Variants in ATAD2B observed in about 807,000 individuals in gnomAD.
The protein encoded by ATAD2B is ATPase family AAA domain-containing protein 2B.
ATAD2B carries 40 observed loss-of-function variants against 167.6 expected under a neutral mutation model. The ratio of observed to expected loss-of-function variants is 0.24; its 90% confidence interval spans 0.19 to 0.31. The LOEUF (loss-of-function observed/expected upper bound fraction) is 0.31. Ranked by LOEUF, ATAD2B falls within the 10% of genes least tolerant of loss-of-function variation. The pLI is 1.00. For missense variants in ATAD2B, 1,242 were observed against 1,757.2 expected, an observed-to-expected ratio of 0.71 and a Z score of 5.24; for synonymous variants, 579 against 596.5, an observed-to-expected ratio of 0.97 and a Z score of 0.43.
chr2:23,754,368 A>G, intron 26 of ATAD2B, 61 bp from the exon 27 acceptor site: 1 of 1,459,026 alleles, frequency 6.9e-7, no homozygotes, highest in East Asian at 2.5e-5. Flanking sequence ...CTGAAATTGT[A>G]TATTCAAATG....
chr2:23,680,780 C>T, the ATAD2B span, among the ~76,000 whole-genome samples: 35 of 151,756 alleles, frequency 2.3e-4, no homozygotes, highest in Non-Finnish European at 4.7e-4. This position sits in a 1 kb window ranked among gnomAD's most constrained non-coding sequence, Gnocchi z 4.1. Context: ...TCTAGGCCAT[C>T]TTCTCCTGGG....
At chr2:23,894,276 G>A (rs548665090) in intron 2 of ATAD2B, among the ~76,000 whole-genome samples, 1 of 152,078 alleles carries the variant, frequency 6.6e-6, no homozygotes, top group South Asian at 2.1e-4. Context: ...GAGGTCCAGA[G>A]TTCAAGACCA....
At chr2:23,896,288 G>A (rs2150365683) in intron 1 of ATAD2B, among the ~76,000 whole-genome samples, 2 of 151,122 alleles carry the variant, frequency 1.3e-5, no homozygotes, top group East Asian at 3.9e-4. Context: ...TCATGCCAGT[G>A]CACTCCAGCC....
At chr2:23,781,333 A>AAAAT (rs57132440) in intron 22 of ATAD2B, among the ~76,000 whole-genome samples, 35,759 of 144,372 alleles carry the variant, frequency 0.25, 5,186 homozygotes, top group Non-Finnish European at 0.33. Flanking sequence ...TGACCACAAA[A>AAAAT]AAATAAATAA....
At chr2:23,903,943 TG>T (rs1449052229) in intron 1 of ATAD2B, among the ~76,000 whole-genome samples, 3 of 151,376 alleles carry the variant, frequency 2.0e-5, no homozygotes, top group Non-Finnish European at 4.4e-5. Context: ...TTGTTGTTGG[TG>T]GTGGTGGTGG....
Position 23,760,867 on chromosome 2 carries a change from C to G in ATAD2B, c.3394+1342G>C, listed in dbSNP as rs143181364. Among the ~76,000 whole-genome samples the G allele has an allele frequency of 1.0e-3, 152 of 151,966 alleles. 5 individuals carry two copies. In the East Asian group the frequency reaches 0.028, roughly 28 times the overall value. On this transcript the variant is annotated intron_variant, in intron 24 of 27. Transcript: ENST00000238789. ...AGCATCACTGAGTTTGTTTCCAAAA[C>G]TAAGGCCTTAGGAAAGCAACTACGC...
At chr2:23,891,817 T>A (rs1160666960) in intron 2 of ATAD2B, among the ~76,000 whole-genome samples, 1 of 152,132 alleles carries the variant, frequency 6.6e-6, no homozygotes, top group African/African-American at 2.4e-5. Flanking sequence ...TTCCTGAATT[T>A]TTAAATGGAA....
chr2:23,888,604 T>C (rs549462981), intron 2 of ATAD2B, among the ~76,000 whole-genome samples: 12 of 152,256 alleles, frequency 7.9e-5, no homozygotes, highest in African/African-American at 2.6e-4. Context: ...AAAGCTTTAA[T>C]AACAGATTAT....
chr2:23,709,725 G>A, the ATAD2B span, among the ~76,000 whole-genome samples: 2 of 152,088 alleles, frequency 1.3e-5, no homozygotes, highest in South Asian at 2.1e-4. Context: ...TATGGTGAGT[G>A]GACCATACTC....
At chr2:23,792,461 A>G (rs1681907360) in intron 19 of ATAD2B, among the ~76,000 whole-genome samples, 2 of 151,772 alleles carry the variant, frequency 1.3e-5, no homozygotes, top group South Asian at 4.2e-4. Context: ...TTAAGAACTT[A>G]AGATCTAAAA....
At chr2:23,843,617 CCA>C (rs1397328080) in intron 13 of ATAD2B, among the ~76,000 whole-genome samples, 1 of 152,138 alleles carries the variant, frequency 6.6e-6, no homozygotes, top group Non-Finnish European at 1.5e-5. Context: ...GGAAAAAGTA[CCA>C]CAGAGGAGAC....
chr2:23,727,374 A>C, the ATAD2B span, among the ~76,000 whole-genome samples: 2 of 152,166 alleles, frequency 1.3e-5, no homozygotes, highest in Non-Finnish European at 2.9e-5. Context: ...ACAAAACACT[A>C]CTTCACACCT....
rs1698981305 is a variant in ATAD2B, at chr2:23,888,273, T to C, written c.418+77A>G. On this transcript the variant is annotated intron_variant, in intron 3 of 27. Transcript: ENST00000238789. ...TGCTCAGCACACTATTAAATCACTC[T>C]ATTTTTCCCCACTTTACTGCTTTCT... 5 of 1,017,614 alleles carry C rather than the reference T, an allele frequency of 4.9e-6. No homozygotes were observed. The South Asian group carries it at 5.9e-5, about 12-fold the overall frequency. The allele number at this position is 1,017,614 out of a possible 1,614,324, so 63.0% of individuals were successfully genotyped here. A position where few individuals can be genotyped will look rare whatever the true frequency, so the allele number is the denominator to read the frequency against.
At chr2:23,725,588 AG>A in the ATAD2B span, among the ~76,000 whole-genome samples, 15 of 152,216 alleles carry the variant, frequency 9.9e-5, no homozygotes, top group African/African-American at 3.6e-4. Context: ...GTGAAAAGTT[AG>A]GTATGTATAT....
At chr2:23,850,377 A>G (rs1227962577) in intron 13 of ATAD2B, among the ~76,000 whole-genome samples, 2 of 152,180 alleles carry the variant, frequency 1.3e-5, no homozygotes, top group Non-Finnish European at 1.5e-5. Flanking sequence ...GGATGTAGCT[A>G]AAGCATTGCT....
chr2:23,683,871 C>T, the ATAD2B span, among the ~76,000 whole-genome samples: 222 of 152,272 alleles, frequency 1.5e-3, 1 homozygote, highest in African/African-American at 5.1e-3. Flanking sequence ...TTCTCGGGGT[C>T]TCCTCCCACG....
chr2:23,805,143 C>CAA (rs574560679), intron 18 of ATAD2B, among the ~76,000 whole-genome samples: 71 of 113,990 alleles, frequency 6.2e-4, no homozygotes, highest in Non-Finnish European at 8.6e-4. Context: ...AACCCTGTCT[C>CAA]AAAAAAAAAA....
intron 13 of ATAD2B, among the ~76,000 whole-genome samples, chr2:23,838,884 G>C (rs1690433300): frequency 6.6e-6 from 1 of 152,038 alleles, no homozygotes; most frequent in Admixed American, 6.5e-5. Flanking sequence ...TTAATAACTA[G>C]TAGAGCAAGT....
chr2:23,875,274 G>A (rs2150144346), intron 8 of ATAD2B, among the ~76,000 whole-genome samples: 1 of 152,164 alleles, frequency 6.6e-6, no homozygotes, highest in East Asian at 1.9e-4. Flanking sequence ...GGCCAAGGCA[G>A]GGGGTTCACA....
Sources: allele counts gnomAD v4.1 joint callset (sites outside exome capture counted in the v4.1 genomes callset), GRCh38; gene constraint gnomAD v4.1.1; non-coding constraint Gnocchi (gnomAD v3.1); transcripts MANE v1.5; gene names NCBI Gene and HGNC (gene_info 2026-07-23, HGNC 2026-07-21).